The following MCF2L2 variants were observed in gnomAD, a reference collection of about 807,000 sequenced individuals.
MCF2L2 encodes MCF.2 cell line derived transforming sequence-like 2.
In MCF2L2, 102 loss-of-function variants were observed where a neutral mutation model predicts 150.2. That is an observed-to-expected ratio of 0.68 (90% CI 0.58 to 0.80). The LOEUF is 0.80. Ranked by LOEUF, MCF2L2 falls within the 30% of genes least tolerant of loss-of-function variation. The pLI, the probability that MCF2L2 is intolerant of heterozygous loss-of-function variation, is 0.00. For missense variants in MCF2L2, 1,256 were observed against 1,372.8 expected, an observed-to-expected ratio of 0.91 and a Z score of 1.34; for synonymous variants, 465 against 491.3, an observed-to-expected ratio of 0.95 and a Z score of 0.71.
chr3:183,233,066 A>G (rs911224906), intron 15 of MCF2L2, among the ~76,000 whole-genome samples: 7 of 152,142 alleles, frequency 4.6e-5, no homozygotes, highest in African/African-American at 1.7e-4. Context: ...ATTATGGTAC[A>G]TGGGCCGGGC....
chr3:183,184,484 A>G (rs2108629087), intron 27 of MCF2L2, among the ~76,000 whole-genome samples: 1 of 152,340 alleles, frequency 6.6e-6, no homozygotes, highest in East Asian at 1.9e-4. Context: ...GAGAAGGACA[A>G]GAATGGGAAA....
chr3:183,400,644 G>A, intron 1 of MCF2L2: 2 of 342,084 alleles, frequency 5.8e-6, no homozygotes, highest in African/African-American at 4.3e-5. Flanking sequence ...TTTGATTGGT[G>A]AGTGCTCACA....
chr3:183,341,787 T>C (rs139269999), intron 3 of MCF2L2, among the ~76,000 whole-genome samples, 157 bp from the exon 4 acceptor site: 69 of 152,302 alleles, frequency 4.5e-4, no homozygotes, highest in Non-Finnish European at 7.1e-4. Flanking sequence ...AGTCTAAGCC[T>C]GGTAATCTTA....
At chr3:183,291,003 A>G (rs908492951) in intron 13 of MCF2L2, among the ~76,000 whole-genome samples, 1 of 152,044 alleles carries the variant, frequency 6.6e-6, no homozygotes, top group Non-Finnish European at 1.5e-5. Flanking sequence ...TGGGCTTTCT[A>G]TGGGTTTTTC....
intron 1 of MCF2L2, among the ~76,000 whole-genome samples, chr3:183,421,048 C>G (rs1249204174): frequency 6.6e-6 from 1 of 152,112 alleles, no homozygotes; most frequent in East Asian, 1.9e-4. Context: ...TTGGTTGTTA[C>G]CCTCATTAAA....
intron 3 of MCF2L2, among the ~76,000 whole-genome samples, chr3:183,356,031 T>A (rs937202703): frequency 6.6e-6 from 1 of 152,064 alleles, no homozygotes. Flanking sequence ...AAAGTAGATT[T>A]GCCAGGACAG....
intron 10 of MCF2L2, among the ~76,000 whole-genome samples, chr3:183,306,358 A>G (rs1456914571): frequency 6.6e-6 from 1 of 152,244 alleles, no homozygotes; most frequent in Non-Finnish European, 1.5e-5. Flanking sequence ...GAGGGAAAAA[A>G]TGGCTAAAAT....
At position 183,230,937 on chromosome 3, in the gene MCF2L2, C is replaced by T; in HGVS notation, c.1929+14G>A. 1 of 1,603,660 alleles carries T rather than the reference C, an allele frequency of 6.2e-7. No homozygotes were observed. The highest frequency in any genetic ancestry group is 8.5e-7 in the Non-Finnish European group (1 of 1,170,668). ...GAATATATGCTTGATACCCCACTCC[C>T]CAAATCTACTTACATCAATTATGCT... is the stretch of plus-strand genomic sequence containing the variant. On this transcript the variant is annotated intron_variant, in intron 16 of 29. Coordinates refer to ENST00000328913, the MANE Select transcript of MCF2L2 (RefSeq NM_015078.4).
At chr3:183,250,396 G>C (rs1724462105) in intron 15 of MCF2L2, among the ~76,000 whole-genome samples, 2 of 151,968 alleles carry the variant, frequency 1.3e-5, no homozygotes, top group Non-Finnish European at 2.9e-5. Flanking sequence ...GACCTGCCTG[G>C]CCAACATGGT....
At chr3:183,333,489 T>A (rs1252817986) in intron 5 of MCF2L2, among the ~76,000 whole-genome samples, 2 of 152,198 alleles carry the variant, frequency 1.3e-5, no homozygotes, top group African/African-American at 4.8e-5. Context: ...GCCATCTAGG[T>A]GGAGATCCAG....
intron 20 of MCF2L2, among the ~76,000 whole-genome samples, 162 bp from the exon 21 acceptor site, chr3:183,220,086 AC>A (rs1723091248): frequency 6.6e-6 from 1 of 152,272 alleles, no homozygotes; most frequent in Admixed American, 6.5e-5. Context: ...TGTATTTGGC[AC>A]AGGGTCCTTT....
intron 5 of MCF2L2, among the ~76,000 whole-genome samples, chr3:183,323,962 C>T (rs146958370): frequency 3.9e-5 from 6 of 152,268 alleles, no homozygotes; most frequent in South Asian, 4.1e-4. Flanking sequence ...CCTTGCTTTA[C>T]GTGAATTTTC....
intron 14 of MCF2L2, among the ~76,000 whole-genome samples, chr3:183,285,585 C>T (rs1193877139): frequency 6.6e-6 from 1 of 152,216 alleles, no homozygotes; most frequent in Non-Finnish European, 1.5e-5. Flanking sequence ...AATGTCTGGC[C>T]TTCAGCCAGT....
At chr3:183,205,757 G>A in intron 25 of MCF2L2, 119 bp downstream of exon 25, 3 of 712,638 alleles carry the variant, frequency 4.2e-6, no homozygotes, top group Non-Finnish European at 7.3e-6. Flanking sequence ...CTGTGAAAAT[G>A]TGGCCACAGT....
intron 10 of MCF2L2, among the ~76,000 whole-genome samples, chr3:183,300,773 T>C (rs1274855051): frequency 6.6e-6 from 1 of 151,992 alleles, no homozygotes; most frequent in Non-Finnish European, 1.5e-5. Context: ...TGCCAGCACT[T>C]TGGGAGGCCG....
chr3:183,389,897 G>A (rs1295767723), intron 1 of MCF2L2, 118 bp from the exon 2 acceptor site: 6 of 748,056 alleles, frequency 8.0e-6, no homozygotes, highest in Non-Finnish European at 1.4e-5. Flanking sequence ...AAGAGACGGT[G>A]CTGGCACAAC....
rs1262963266 is a variant in MCF2L2, at chr3:183,341,605, T to C, written c.301A>G (p.Ile101Val). Reference sequence around the variant, plus strand: ...TCTCTTCGTCTGTCGATAACAACAATGAATCCAATGCTGGCAGCCTCCACA... The same window carrying C: ...TCTCTTCGTCTGTCGATAACAACAACGAATCCAATGCTGGCAGCCTCCACA... ...PSVEAASIGFIVVIDRRRDKW... is the reference protein window; with the variant it reads ...PSVEAASIGFVVVIDRRRDKW... Residue 101 changes from isoleucine to valine, a missense_variant, in exon 4 of 30, where the codon ATT (isoleucine) becomes GTT (valine). Ile to Val is a conservative substitution (Grantham distance 29). Coordinates refer to ENST00000328913, the MANE Select transcript of MCF2L2 (RefSeq NM_015078.4). 1.9e-6 allele frequency: 3 copies of C among 1,614,032 alleles called. No homozygotes were observed. The highest frequency in any genetic ancestry group is 2.7e-5 in the African/African-American group (2 of 74,930).
At chr3:183,217,823 G>T (rs2029926) in intron 21 of MCF2L2, among the ~76,000 whole-genome samples, 1 of 152,100 alleles carries the variant, frequency 6.6e-6, no homozygotes, top group African/African-American at 2.4e-5. Context: ...AGCATTCAGC[G>T]GAAAAGCAGT....
At chr3:183,397,006 C>T (rs1714501729) in intron 1 of MCF2L2, among the ~76,000 whole-genome samples, 1 of 152,100 alleles carries the variant, frequency 6.6e-6, no homozygotes, top group South Asian at 2.1e-4. Flanking sequence ...GCCTCTAGGA[C>T]TGTGAGAAAA....
Sources: allele counts gnomAD v4.1 joint callset (sites outside exome capture counted in the v4.1 genomes callset), GRCh38; gene constraint gnomAD v4.1.1; transcripts MANE v1.5; gene names NCBI Gene and HGNC (gene_info 2026-07-23, HGNC 2026-07-21).